The following PTPRD variants were observed in gnomAD, a reference collection of about 807,000 sequenced individuals.
PTPRD encodes protein tyrosine phosphatase receptor type D.
Under a neutral mutation model 214.5 loss-of-function variants are expected in PTPRD, and 34 were observed. The observed-to-expected ratio is 0.16, with a 90% CI of 0.12 to 0.21. The LOEUF is 0.21. PTPRD is among the 10% of genes least tolerant of loss of function. The pLI, the probability that PTPRD is intolerant of heterozygous loss-of-function variation, is 1.00. For synonymous variants in PTPRD, 1,128 were observed against 845.7 expected (o/e 1.33, Z -5.79); for missense variants, 2,545 against 2,398.7 (o/e 1.06, Z -1.27).
chr9:8,329,296 G>C (rs1308842769), intron 44 of PTPRD, among the ~76,000 whole-genome samples: 1 of 152,122 alleles, frequency 6.6e-6, no homozygotes, highest in Non-Finnish European at 1.5e-5. Context: ...CTGTAGGTTT[G>C]CTGGAGGTCT....
intron 3 of PTPRD, among the ~76,000 whole-genome samples, chr9:10,297,971 A>G (rs141888728): frequency 6.6e-6 from 1 of 152,266 alleles, no homozygotes; most frequent in African/African-American, 2.4e-5. Context: ...TCTAAGGAAT[A>G]TGGGCATTTC....
Position 10,556,438 on chromosome 9 carries a change from A to G in PTPRD, c.-600+55960T>C, listed in dbSNP as rs187859690. ...CTATATCATTTTAGGTATATTTTAT[A>G]TTTTCTATAGGGCACATATATTACT... On this transcript the variant is annotated intron_variant, in intron 2 of 45. Coordinates refer to ENST00000381196, the MANE Select transcript of PTPRD (RefSeq NM_002839.4). 8.5e-4 allele frequency among the ~76,000 whole-genome samples: 130 copies of G among 152,190 alleles called. 1 individual carries two copies. The highest frequency in any genetic ancestry group is 3.1e-3 in the African/African-American group (127 of 41,580).
intron 4 of PTPRD, among the ~76,000 whole-genome samples, chr9:9,942,316 A>G (rs2091676330): frequency 6.6e-6 from 1 of 152,192 alleles, no homozygotes; most frequent in Non-Finnish European, 1.5e-5. Context: ...TATATCAGTA[A>G]ATAAAAAGCA....
At chr9:9,718,137 A>G (rs2097865195) in intron 7 of PTPRD, among the ~76,000 whole-genome samples, 1 of 152,204 alleles carries the variant, frequency 6.6e-6, no homozygotes, top group Non-Finnish European at 1.5e-5. Context: ...AGAAATAGAC[A>G]CAAATACAAC....
chr9:10,487,370 CCTT>C (rs1401818251), intron 2 of PTPRD, among the ~76,000 whole-genome samples: 1 of 152,154 alleles, frequency 6.6e-6, no homozygotes, highest in Non-Finnish European at 1.5e-5. Context: ...ATCTTCTCTT[CCTT>C]CTTTCTTCCC....
intron 12 of PTPRD, among the ~76,000 whole-genome samples, chr9:8,664,511 G>A (rs1212217572): frequency 1.3e-5 from 2 of 152,128 alleles, no homozygotes; most frequent in Admixed American, 1.3e-4. Flanking sequence ...GGAAAAACAA[G>A]CCTTTATATA....
intron 36 of PTPRD, among the ~76,000 whole-genome samples, chr9:8,394,308 C>A (rs2090475169): frequency 6.6e-6 from 1 of 151,964 alleles, no homozygotes; most frequent in Non-Finnish European, 1.5e-5. Context: ...ATAATAAAGC[C>A]TTAAGTCCTG....
intron 5 of PTPRD, among the ~76,000 whole-genome samples, chr9:9,835,994 C>G (rs568850231): frequency 6.6e-6 from 1 of 152,106 alleles, no homozygotes; most frequent in African/African-American, 2.4e-5. Flanking sequence ...CTTTGAAAGA[C>G]TATAAAAAGA....
intron 10 of PTPRD, among the ~76,000 whole-genome samples, chr9:9,026,679 T>G (rs1254740014): frequency 6.6e-6 from 1 of 152,002 alleles, no homozygotes; most frequent in Middle Eastern, 3.2e-3. Context: ...TATTTGCCAG[T>G]TTTCTGCATC....
chr9:9,278,084 G>A (rs1446691181), intron 9 of PTPRD, among the ~76,000 whole-genome samples: 1 of 151,304 alleles, frequency 6.6e-6, no homozygotes, highest in Admixed American at 6.6e-5. Context: ...AAAGGTGGTT[G>A]TATGCTTTCC....
intron 5 of PTPRD, among the ~76,000 whole-genome samples, chr9:9,872,112 G>A (rs1218052696): frequency 6.6e-6 from 1 of 152,080 alleles, no homozygotes; most frequent in African/African-American, 2.4e-5. Flanking sequence ...TCACTCATCA[G>A]TTTCATCTTG....
chr9:9,810,124 C>T (rs1220391686), intron 5 of PTPRD, among the ~76,000 whole-genome samples: 6 of 83,426 alleles, frequency 7.2e-5, no homozygotes, highest in African/African-American at 4.1e-4. Flanking sequence ...TCATGATCTA[C>T]TTCCAGGTTA....
chr9:8,633,635 C>T (rs564721261), intron 13 of PTPRD, among the ~76,000 whole-genome samples, 177 bp from the exon 14 acceptor site: 1 of 152,162 alleles, frequency 6.6e-6, no homozygotes, highest in African/African-American at 2.4e-5. Flanking sequence ...GAATCTTCTA[C>T]TGAACAAGGA....
chr9:9,115,043 G>A (rs2099811007), intron 10 of PTPRD, among the ~76,000 whole-genome samples: 2 of 152,118 alleles, frequency 1.3e-5, no homozygotes, highest in South Asian at 2.1e-4. Context: ...AGCTTGGGTG[G>A]CTGTCCTGAA....
intron 7 of PTPRD, among the ~76,000 whole-genome samples, chr9:9,595,453 C>G (rs2093246536): frequency 6.7e-6 from 1 of 149,834 alleles, no homozygotes; most frequent in African/African-American, 2.5e-5. Flanking sequence ...CATGCATACA[C>G]ATGTACGCAT....
chr9:9,269,995 T>A (rs910970599), intron 9 of PTPRD, among the ~76,000 whole-genome samples: 1 of 150,262 alleles, frequency 6.7e-6, no homozygotes, highest in Admixed American at 6.7e-5. Flanking sequence ...AAATTAATAA[T>A]TTATTTTGTT....
At chr9:8,991,805 T>A (rs2154348209) in intron 11 of PTPRD, among the ~76,000 whole-genome samples, 1 of 152,284 alleles carries the variant, frequency 6.6e-6, no homozygotes, top group Non-Finnish European at 1.5e-5. Flanking sequence ...GATTTGGAAA[T>A]CTGCCTATAT....
Position 9,424,766 on chromosome 9 carries a change from A to C in PTPRD, c.-236-27284T>G, listed in dbSNP as rs150578711. ...TTAATAAATTTAGGAAGGTCACTAG[A>C]TACAAAGTCAATATTTTAAAATTGC... On this transcript the variant is annotated intron_variant, in intron 8 of 45. Transcript: ENST00000381196. Among the ~76,000 whole-genome samples the C allele has an allele frequency of 6.2e-4, 95 of 152,352 alleles. 2 individuals are homozygous for C. Among genetic ancestry groups the C allele is most frequent in the African/African-American group, 2.3e-3 (95 of 41,582 alleles).
At chr9:9,907,548 G>T (rs1041398462) in intron 5 of PTPRD, among the ~76,000 whole-genome samples, 5 of 151,804 alleles carry the variant, frequency 3.3e-5, no homozygotes, top group African/African-American at 1.2e-4. Context: ...TTCTTCTAAG[G>T]ATATCAGTCA....
Sources: allele counts gnomAD v4.1 joint callset (sites outside exome capture counted in the v4.1 genomes callset), GRCh38; gene constraint gnomAD v4.1.1; transcripts MANE v1.5; gene names NCBI Gene and HGNC (gene_info 2026-07-23, HGNC 2026-07-21).